STRC: variants seen among roughly 807,000 people sequenced by gnomAD.
STRC encodes stereocilin.
Under a neutral mutation model 103.5 loss-of-function variants are expected in STRC, and 43 were observed. The ratio of observed to expected loss-of-function variants is 0.42; its 90% CI spans 0.33 to 0.54. The LOEUF (loss-of-function observed/expected upper bound fraction) is 0.54, where lower values mean the gene tolerates loss of function less well. STRC is among the 20% of genes least tolerant of loss of function. The pLI is 0.14. For synonymous variants in STRC, 186 were observed against 442.3 expected, an observed-to-expected ratio of 0.42 and a Z score of 7.27; for missense variants, 499 against 1,088.5, an observed-to-expected ratio of 0.46 and a Z score of 7.62.
Position 43,604,455 on chromosome 15 carries a change from G to A in STRC, c.4128-4C>T, listed in dbSNP as rs1178863315. The A allele has an allele frequency of 6.4e-7, 1 of 1,568,502 alleles. No homozygotes were observed. Among genetic ancestry groups the A allele is most frequent in the South Asian group, 1.2e-5 (1 of 86,742 alleles). ...CTGGCTCCACAACTCTGGTTTCCTGGGGACAGGAAGAAAATCGGGGGCTGG... is the reference window on the plus strand; with the variant it reads ...CTGGCTCCACAACTCTGGTTTCCTGAGGACAGGAAGAAAATCGGGGGCTGG... On this transcript the variant is annotated splice_polypyrimidine_tract_variant and splice_region_variant and intron_variant, in intron 20 of 28. Transcript: ENST00000450892.
Position 43,601,533 on chromosome 15 carries a change from C to G in STRC, c.4564G>C (p.Gly1522Arg), listed in dbSNP as rs763904943. The change falls in exon 24 of 29, where the codon GGA becomes CGA. Residue 1522 changes from glycine to arginine, a missense_variant. Coordinates refer to ENST00000450892, the MANE Select transcript of STRC (RefSeq NM_153700.2). Reference sequence around the variant, plus strand: ...TGCAGGATCTGCTCAGGACGAAATCCCCGGGGGGGACCCCACAACTAGGAG... The same window carrying G: ...TGCAGGATCTGCTCAGGACGAAATCGCCGGGGGGGACCCCACAACTAGGAG... ...KAKQLWGPPRGFRPEQILQLG... is the reference protein window; with the variant it reads ...KAKQLWGPPRRFRPEQILQLG... The G allele has an allele frequency of 6.2e-7, 1 of 1,613,698 alleles. No homozygotes were observed. The highest frequency in any genetic ancestry group is 1.3e-5 in the African/African-American group (1 of 74,852).
chr15:43,602,944 C>T (rs988938130), intron 23 of STRC, among the ~76,000 whole-genome samples: 9 of 150,110 alleles, frequency 6.0e-5, no homozygotes, highest in East Asian at 1.9e-4. Context: ...TGCACCCAGC[C>T]GAAGCATGCC....
Position 43,599,981 on chromosome 15 carries a change from T to C in STRC, c.5218A>G (p.Lys1740Glu). The change falls in exon 28 of 29, where the codon AAG becomes GAG. Residue 1740 changes from lysine to glutamate, a missense_variant. Lys to Glu is a moderately conservative substitution (Grantham distance 56). Transcript: ENST00000450892. ...RAVAWAQHEG[K>E]ESPEQQGRST... ...TCACCTTGCTGTTCTGGGCTCTCCTTTCCCTCATGTTGGGCCCATGCAACT... is the reference window on the plus strand; with the variant it reads ...TCACCTTGCTGTTCTGGGCTCTCCTCTCCCTCATGTTGGGCCCATGCAACT... 6.4e-7 allele frequency: 1 copy of C among 1,560,006 alleles called. No individual in the cohort carries two copies.
At position 43,601,594 on chromosome 15, in the gene STRC, T is replaced by C. The variant is rs114817579; in HGVS notation, c.4546-43A>G. 1.4e-3 allele frequency: 2,227 copies of C among 1,603,238 alleles called. 33 individuals are homozygous for C. The African/African-American group carries it at 0.015, about 11-fold the overall frequency. On this transcript the variant is annotated intron_variant, in intron 23 of 28. Coordinates refer to ENST00000450892, the MANE Select transcript of STRC (RefSeq NM_153700.2). The stretch of plus-strand genomic sequence containing the variant: ...ACAATGTGAGTGGAAAAGCAGTGGA[T>C]TGGGAGTCATACTGCTGGGTTTTAA...
intron 22 of STRC, 82 bp downstream of exon 22, chr15:43,603,914 A>G: frequency 6.2e-7 from 1 of 1,605,754 alleles, no homozygotes; most frequent in Non-Finnish European, 8.5e-7. Flanking sequence ...ACCCAGTCCC[A>G]GGGAAGAGCA....
intron 23 of STRC, chr15:43,601,779 T>C (rs2085670839): frequency 3.7e-6 from 2 of 536,640 alleles, no homozygotes; most frequent in Non-Finnish European, 6.7e-6. Flanking sequence ...CTCTAGTCCA[T>C]GAGTTCCACA....
At chr15:43,608,534 T>C (rs2085727043) in intron 16 of STRC, among the ~76,000 whole-genome samples, 2 of 139,626 alleles carry the variant, frequency 1.4e-5, no homozygotes, top group South Asian at 4.7e-4. Context: ...GAGACCAGCC[T>C]GGCCAAAATG....
At position 43,600,045 on chromosome 15, in the gene STRC, A is replaced by G. The variant is rs1368534250; in HGVS notation, c.5154T>C (p.Pro1718=). The G allele has an allele frequency of 6.2e-7, 1 of 1,612,480 alleles. No homozygotes were observed. The highest frequency in any genetic ancestry group is 8.5e-7 in the Non-Finnish European group (1 of 1,179,438). The change falls in exon 28 of 29, where the codon CCT becomes CCC. Residue 1718 remains proline, a synonymous_variant. Coordinates refer to ENST00000450892, the MANE Select transcript of STRC (RefSeq NM_153700.2). ...CAGGACTCAGAAAGGCCATTTGCTC[A>G]GGAGTGACAGCCACAGCCTGAGCAC... ...LTSAQAVAVT[P]EQMAFLSPEQ... is the part of the protein sequence containing the mutation.
intron 23 of STRC, 70 bp from the exon 24 acceptor site, chr15:43,601,621 T>A: frequency 6.6e-7 from 1 of 1,525,006 alleles, no homozygotes; most frequent in Non-Finnish European, 9.1e-7. Context: ...GGGTTTTAAG[T>A]CTTGCCTCTG....
chr15:43,609,203 G>C, intron 16 of STRC, 73 bp downstream of exon 16: 2 of 1,464,506 alleles, frequency 1.4e-6, no homozygotes, highest in South Asian at 1.1e-5. Flanking sequence ...ATATCACATG[G>C]TGCCTGGCAC....
chr15:43,601,693 A>G, intron 23 of STRC, 142 bp from the exon 24 acceptor site: 1 of 846,374 alleles, frequency 1.2e-6, no homozygotes, highest in Non-Finnish European at 1.9e-6. Flanking sequence ...CCACTATAAA[A>G]TGAGACCGTT....
chr15:43,602,244 G>A (rs550778090), intron 23 of STRC, among the ~76,000 whole-genome samples: 12 of 151,580 alleles, frequency 7.9e-5, no homozygotes, highest in Admixed American at 3.3e-4. Flanking sequence ...GCAGTGGTGC[G>A]ATCTTGGCAC....
At position 43,605,250 on chromosome 15, in the gene STRC, G is replaced by T. The variant is rs768053773; in HGVS notation, c.3930+14C>A. Reference sequence around the variant, plus strand: ...CAGGGCAGCAAATCTGAGTCTGGTAGGGTGGACTCTTACCAGGTTTTGTAG... The same window carrying T: ...CAGGGCAGCAAATCTGAGTCTGGTATGGTGGACTCTTACCAGGTTTTGTAG... On this transcript the variant is annotated intron_variant, in intron 19 of 28. Transcript: ENST00000450892. 1 of 1,578,512 alleles carries T rather than the reference G, an allele frequency of 6.3e-7. No homozygotes were observed. The highest frequency in any genetic ancestry group is 8.6e-7 in the Non-Finnish European group (1 of 1,161,098).
rs1221857181 is a variant in STRC at position 43,607,982 on chromosome 15, G to A, written c.3682-7C>T. 5 of 1,610,700 alleles carry A rather than the reference G, an allele frequency of 3.1e-6. No individual in the cohort carries two copies. The highest frequency in any genetic ancestry group is 4.2e-6 in the Non-Finnish European group (5 of 1,179,500). On this transcript the variant is annotated splice_region_variant and splice_polypyrimidine_tract_variant and intron_variant, in intron 17 of 28. Coordinates refer to ENST00000450892, the MANE Select transcript of STRC (RefSeq NM_153700.2). ...CTGCCCAGATACAGGCCCTCTGTAG[G>A]GAAGCAGTGTGAGGCCAGAGCAGAA...
chr15:43,604,292 C>A, intron 21 of STRC, 69 bp downstream of exon 21: 1 of 1,592,108 alleles, frequency 6.3e-7, no homozygotes, highest in South Asian at 1.1e-5. Flanking sequence ...TCTTTGGCCA[C>A]GGGTCCCCAT....
chr15:43,603,061 T>C (rs2085684183), intron 23 of STRC, among the ~76,000 whole-genome samples, 181 bp downstream of exon 23: 2 of 152,032 alleles, frequency 1.3e-5, no homozygotes, highest in African/African-American at 4.8e-5. Context: ...CTCTATTCAT[T>C]ATACTAGCTC....
chr15:43,604,869 G>C (rs761697848), intron 19 of STRC, 23 bp from the exon 20 acceptor site: 14 of 1,588,340 alleles, frequency 8.8e-6, no homozygotes, highest in African/African-American at 1.3e-5. Context: ...ATCAGAACTT[G>C]GACAATGCAC....
At chr15:43,604,922 C>G in intron 19 of STRC, 76 bp from the exon 20 acceptor site, 1 of 1,557,686 alleles carries the variant, frequency 6.4e-7, no homozygotes, top group East Asian at 2.3e-5. Context: ...GACACCAAGC[C>G]CCCTAACCTT....
At chr15:43,600,722 C>A (rs768328048) in intron 25 of STRC, 40 bp from the exon 26 acceptor site, 1 of 1,612,904 alleles carries the variant, frequency 6.2e-7, no homozygotes, top group South Asian at 1.1e-5. Context: ...AATTCGGCTT[C>A]AGTGAAAGGG....
Sources: allele counts gnomAD v4.1 joint callset (sites outside exome capture counted in the v4.1 genomes callset), GRCh38; gene constraint gnomAD v4.1.1; transcripts MANE v1.5; gene names NCBI Gene and HGNC (gene_info 2026-07-23, HGNC 2026-07-21).